NKAIN2: variants seen among roughly 807,000 people sequenced by gnomAD.
NKAIN2 encodes sodium/potassium-transporting ATPase subunit beta-1-interacting protein 2.
A neutral mutation model predicts 32.6 loss-of-function variants in NKAIN2; 14 were observed. The observed-to-expected ratio is 0.43, with a 90% CI of 0.28 to 0.67. The LOEUF (loss-of-function observed/expected upper bound fraction) is 0.67, where lower values mean the gene tolerates loss of function less well. Ranked by LOEUF, NKAIN2 falls within the 30% of genes least tolerant of loss-of-function variation. The pLI, the probability that NKAIN2 is intolerant of heterozygous loss-of-function variation, is 0.17. For missense variants in NKAIN2, 198 were observed against 258.3 expected, an observed-to-expected ratio of 0.77 and a Z score of 1.60; for synonymous variants, 80 against 87.2, an observed-to-expected ratio of 0.92 and a Z score of 0.46.
intron 1 of NKAIN2, among the ~76,000 whole-genome samples, chr6:124,166,437 G>A (rs1380738294): frequency 6.6e-6 from 1 of 151,548 alleles, no homozygotes; most frequent in Admixed American, 6.6e-5. Context: ...AGATGAGTAG[G>A]TTGCAAAAAT....
intron 1 of NKAIN2, among the ~76,000 whole-genome samples, chr6:124,092,651 T>C (rs1784484646): frequency 6.6e-6 from 1 of 152,028 alleles, no homozygotes; most frequent in Admixed American, 6.6e-5. Context: ...GGTTTCAGTT[T>C]TTTTTCTTGA....
At chr6:124,636,823 T>G (rs539760776) in intron 3 of NKAIN2, among the ~76,000 whole-genome samples, 1 of 152,064 alleles carries the variant, frequency 6.6e-6, no homozygotes, top group South Asian at 2.1e-4. Flanking sequence ...TTTAAAGAAC[T>G]AAAACCAATT....
intron 1 of NKAIN2, among the ~76,000 whole-genome samples, chr6:124,220,459 C>T (rs200878880): frequency 4.0e-5 from 3 of 75,374 alleles, no homozygotes; most frequent in Non-Finnish European, 6.3e-5. Flanking sequence ...CCTTTTTTTT[C>T]CCTTTTTTTG....
At chr6:124,222,080 A>G (rs1791864788) in intron 1 of NKAIN2, among the ~76,000 whole-genome samples, 1 of 152,192 alleles carries the variant, frequency 6.6e-6, no homozygotes, top group South Asian at 2.1e-4. Flanking sequence ...GTAAAGGATG[A>G]TCTGGATAGG....
At chr6:124,682,791 C>CT (rs146289589) in intron 4 of NKAIN2, among the ~76,000 whole-genome samples, 11 of 151,968 alleles carry the variant, frequency 7.2e-5, no homozygotes, top group Non-Finnish European at 1.5e-4. Flanking sequence ...AAAACAACGT[C>CT]TTTTTTTTAT....
chr6:124,300,745 C>A (rs1013996657), intron 2 of NKAIN2, among the ~76,000 whole-genome samples: 4 of 152,136 alleles, frequency 2.6e-5, no homozygotes, highest in African/African-American at 9.7e-5. Context: ...TCTTGTTATG[C>A]TTTAGCAAAG....
At chr6:124,053,217 G>C (rs532204276) in intron 1 of NKAIN2, among the ~76,000 whole-genome samples, 4 of 152,026 alleles carry the variant, frequency 2.6e-5, no homozygotes, top group African/African-American at 9.6e-5. Flanking sequence ...ATACCCGTTA[G>C]TTATTTTTCC....
In NKAIN2 at chr6:124,818,464, T is replaced by C; in HGVS notation, c.613T>C (p.Tyr205His). The C allele has an allele frequency of 6.5e-7, 1 of 1,528,606 alleles. No individual in the cohort carries two copies. The highest frequency in any genetic ancestry group is 9.0e-7 in the Non-Finnish European group (1 of 1,105,448). 94.7% of individuals were successfully genotyped at this position (1,528,606 alleles called of 1,614,324 possible). Residue 205 changes from tyrosine to histidine, a missense_variant, in exon 6 of 7, where the codon TAC becomes CAC. Coordinates refer to ENST00000368417, the MANE Select transcript of NKAIN2 (RefSeq NM_001040214.3). ...ATCTCATTTACAACTACAGCCTATG[T>C]ACATGTAAGTATTTTACTTGGAAGG... is the stretch of plus-strand genomic sequence containing the variant. ...KTSHLQLQPM[Y>H]MSK
intron 1 of NKAIN2, among the ~76,000 whole-genome samples, chr6:124,042,446 T>C (rs1318712362): frequency 1.3e-5 from 2 of 152,070 alleles, no homozygotes; most frequent in Non-Finnish European, 2.9e-5. Context: ...CCAAATATTA[T>C]TGCATTATTT....
intron 1 of NKAIN2, among the ~76,000 whole-genome samples, chr6:123,955,241 A>G (rs1777518149): frequency 6.6e-6 from 1 of 151,758 alleles, no homozygotes; most frequent in South Asian, 2.1e-4. Context: ...AAGAAAAGCC[A>G]AAGACTTAGT....
chr6:124,006,925 T>G (rs3934569), intron 1 of NKAIN2, among the ~76,000 whole-genome samples: 63,797 of 152,082 alleles, frequency 0.42, 14,586 homozygotes, highest in Non-Finnish European at 0.51. Flanking sequence ...CTTTTGTGAC[T>G]GACCTAAGGA....
At chr6:124,706,068 T>C (rs1775047033) in intron 4 of NKAIN2, among the ~76,000 whole-genome samples, 1 of 152,078 alleles carries the variant, frequency 6.6e-6, no homozygotes, top group Non-Finnish European at 1.5e-5. Flanking sequence ...GATTGTAGGA[T>C]CTCTGGAGCG....
chr6:123,979,702 A>G (rs1464733630), intron 1 of NKAIN2, among the ~76,000 whole-genome samples: 1 of 152,188 alleles, frequency 6.6e-6, no homozygotes, highest in Non-Finnish European at 1.5e-5. Context: ...TTATTGTCCT[A>G]ATTGCCTCAT....
At chr6:124,045,756 A>G (rs963196835) in intron 1 of NKAIN2, among the ~76,000 whole-genome samples, 6 of 152,030 alleles carry the variant, frequency 3.9e-5, no homozygotes, top group African/African-American at 1.4e-4. Context: ...TTTGAAATTG[A>G]TACATTATGG....
chr6:124,276,503 A>G (rs912747393), intron 1 of NKAIN2, among the ~76,000 whole-genome samples: 1 of 152,032 alleles, frequency 6.6e-6, no homozygotes, highest in Non-Finnish European at 1.5e-5. Context: ...TTCATTTTAT[A>G]TGTGAATCCG....
chr6:124,576,178 A>G (rs1012455574), intron 3 of NKAIN2, among the ~76,000 whole-genome samples: 2 of 152,254 alleles, frequency 1.3e-5, no homozygotes, highest in Non-Finnish European at 2.9e-5. Flanking sequence ...GGAAGTATGC[A>G]TAAAGCATTT....
intron 2 of NKAIN2, among the ~76,000 whole-genome samples, chr6:124,291,159 A>C (rs980286170): frequency 1.3e-5 from 2 of 152,102 alleles, no homozygotes; most frequent in Non-Finnish European, 2.9e-5. Context: ...TGCAGAATTC[A>C]GGGTTGAAAA....
chr6:124,636,702 C>T (rs987602382), intron 3 of NKAIN2, among the ~76,000 whole-genome samples: 2 of 151,762 alleles, frequency 1.3e-5, no homozygotes, highest in Non-Finnish European at 2.9e-5. Context: ...CAAAATTGAA[C>T]AAGAAAGAAA....
chr6:123,950,596 A>G (rs1239504556), intron 1 of NKAIN2, among the ~76,000 whole-genome samples: 1 of 74,326 alleles, frequency 1.3e-5, no homozygotes, highest in Non-Finnish European at 2.4e-5. Flanking sequence ...GTAGTTGTTT[A>G]TAATAGTCTC....
Sources: allele counts gnomAD v4.1 joint callset (sites outside exome capture counted in the v4.1 genomes callset), GRCh38; gene constraint gnomAD v4.1.1; transcripts MANE v1.5; gene names NCBI Gene and HGNC (gene_info 2026-07-23, HGNC 2026-07-21).